The following PAXIP1 variants were observed in gnomAD, a reference collection of about 807,000 sequenced individuals.
PAXIP1 encodes the protein PAX-interacting protein 1.
PAXIP1 carries 19 observed loss-of-function variants against 140.6 expected under a neutral mutation model. The observed-to-expected ratio is 0.14, with a 90% CI of 0.09 to 0.20. The LOEUF is 0.20. Among genes scored for constraint, PAXIP1 ranks in the 10% least tolerant of loss-of-function variants. The pLI is 1.00. For missense variants in PAXIP1, 920 were observed against 1,208.6 expected, an observed-to-expected ratio of 0.76 and a Z score of 3.54; for synonymous variants, 442 against 444.6, an observed-to-expected ratio of 0.99 and a Z score of 0.07.
At chr7:154,976,425 T>G (rs1056832534) in intron 5 of PAXIP1, 94 bp from the exon 6 acceptor site, 5 of 1,475,034 alleles carry the variant, frequency 3.4e-6, no homozygotes, top group Non-Finnish European at 4.5e-6. Flanking sequence ...AGTCAAGGAA[T>G]GCAGTTGAAA....
rs1375580304 is a variant in PAXIP1 at position 154,963,620 on chromosome 7, T to C, written c.1989+51A>G. On this transcript the variant is annotated intron_variant, in intron 9 of 20. Transcript: ENST00000404141. The surrounding 1 kb of genome is among the most constrained non-coding windows in gnomAD (Gnocchi z 4.1). ...AATCACTAGCATTTAAGATTGCATA[T>C]TAAAAATGCCAGACCTTGCTCCTGG... 2.4e-6 allele frequency: 3 copies of C among 1,259,070 alleles called. No homozygotes were observed. Among genetic ancestry groups the C allele is most frequent in the African/African-American group, 2.9e-5 (2 of 67,942 alleles). The allele number at this position is 1,259,070 out of a possible 1,614,324, so 78.0% of individuals were successfully genotyped here.
intron 12 of PAXIP1, 138 bp from the exon 13 acceptor site, chr7:154,960,071 C>T: frequency 1.6e-6 from 1 of 608,864 alleles, no homozygotes; most frequent in East Asian, 2.8e-5. Context: ...AATGTAAGTA[C>T]TATAATGAAG....
intron 5 of PAXIP1, among the ~76,000 whole-genome samples, 169 bp from the exon 6 acceptor site, chr7:154,976,500 G>A (rs1274550984): frequency 1.3e-5 from 2 of 152,230 alleles, no homozygotes; most frequent in Non-Finnish European, 2.9e-5. Flanking sequence ...CAGAGGACAT[G>A]AGGCAAAAGT....
intron 2 of PAXIP1, among the ~76,000 whole-genome samples, chr7:154,996,316 C>T (rs1406904788): frequency 6.6e-6 from 1 of 152,198 alleles, no homozygotes; most frequent in Non-Finnish European, 1.5e-5. Flanking sequence ...TCAAAAATTA[C>T]AAGCAGGCTG....
chr7:154,980,441 G>T (rs995420830), intron 5 of PAXIP1, among the ~76,000 whole-genome samples: 1 of 152,042 alleles, frequency 6.6e-6, no homozygotes, highest in African/African-American at 2.4e-5. Flanking sequence ...TTGAAGCAGG[G>T]TCTCACTTTG....
At chr7:154,971,187 T>G (rs1245716803) in intron 6 of PAXIP1, among the ~76,000 whole-genome samples, 1 of 152,164 alleles carries the variant, frequency 6.6e-6, no homozygotes, top group Non-Finnish European at 1.5e-5. Flanking sequence ...GAGGCCTAGG[T>G]AGGACAGGAG....
At chr7:154,993,152 A>G (rs558883462) in intron 3 of PAXIP1, among the ~76,000 whole-genome samples, 1 of 152,302 alleles carries the variant, frequency 6.6e-6, no homozygotes, top group East Asian at 1.9e-4. Context: ...AGAACGCCTC[A>G]TTTCTGACTC....
At chr7:154,960,755 A>G (rs1397598757) in intron 12 of PAXIP1, 138 bp downstream of exon 12, 2 of 634,360 alleles carry the variant, frequency 3.2e-6, no homozygotes, top group African/African-American at 3.7e-5. Context: ...AAGAGTATAG[A>G]AAAGAAATTG....
chr7:154,969,081 CCTG>C lies in PAXIP1; in HGVS notation c.1117_1119del (p.Gln373del), dbSNP rs1256175088. On this transcript the variant is annotated inframe_deletion, in exon 7 of 21. Coordinates refer to ENST00000404141, the MANE Select transcript of PAXIP1 (RefSeq NM_007349.4). Reference sequence around the variant, plus strand: ...GTATGTCCCTGCTGGCTGTGATTCACCTGCTGTTCTAAATTTTTCGTAGGTGCT... The same window carrying C: ...GTATGTCCCTGCTGGCTGTGATTCACCTGTTCTAAATTTTTCGTAGGTGCT... The C allele has an allele frequency of 6.7e-7, 1 of 1,497,392 alleles. No individual in the cohort carries two copies. Among genetic ancestry groups the C allele is most frequent in the African/African-American group, 1.4e-5 (1 of 71,616 alleles). 92.8% of individuals were successfully genotyped at this position (1,497,392 alleles called of 1,614,324 possible). A position where few individuals can be genotyped will look rare whatever the true frequency, so the allele number is the denominator to read the frequency against.
rs776902471 is a variant in PAXIP1 at position 154,967,762 on chromosome 7, A to G, written c.1893+54T>C. The stretch of plus-strand genomic sequence containing the variant: ...GCTAAGTGAACACAGTTACATCTAC[A>G]TAAGAAAGAAGCATCTTCAGACACA... On this transcript the variant is annotated intron_variant, in intron 8 of 20. Coordinates refer to ENST00000404141, the MANE Select transcript of PAXIP1 (RefSeq NM_007349.4). The G allele has an allele frequency of 1.9e-5, 23 of 1,227,476 alleles. No individual in the cohort carries two copies. In the East Asian group the frequency reaches 2.8e-4, roughly 15 times the overall value. The allele number at this position is 1,227,476 out of a possible 1,614,324, so 76.0% of individuals were successfully genotyped here. A position where few individuals can be genotyped will look rare whatever the true frequency, so the allele number is the denominator to read the frequency against.
chr7:154,970,646 G>A (rs888543304), intron 6 of PAXIP1, among the ~76,000 whole-genome samples: 2 of 152,162 alleles, frequency 1.3e-5, no homozygotes, highest in Admixed American at 6.5e-5. Flanking sequence ...CCACCCCATG[G>A]AGCCCAGCAG....
intron 6 of PAXIP1, among the ~76,000 whole-genome samples, chr7:154,971,672 T>TC (rs1394557217): frequency 1.3e-5 from 2 of 152,348 alleles, no homozygotes; most frequent in African/African-American, 4.8e-5. Flanking sequence ...TTTAAATTTT[T>TC]CCATCACAAC....
At chr7:154,995,260 A>T (rs1167783729) in intron 2 of PAXIP1, among the ~76,000 whole-genome samples, 2 of 152,246 alleles carry the variant, frequency 1.3e-5, no homozygotes, top group East Asian at 3.8e-4. Flanking sequence ...GTGTGTTCTC[A>T]GGCAGCTTTA....
chr7:154,974,791 G>C (rs1809490754), intron 6 of PAXIP1, among the ~76,000 whole-genome samples: 1 of 152,072 alleles, frequency 6.6e-6, no homozygotes, highest in African/African-American at 2.4e-5. Context: ...GAAAAATGCA[G>C]AGTGGCCAAT....
intron 5 of PAXIP1, among the ~76,000 whole-genome samples, chr7:154,978,160 C>T (rs997193004): frequency 6.6e-6 from 1 of 152,192 alleles, no homozygotes; most frequent in South Asian, 2.1e-4. Context: ...TTCACCTCAT[C>T]CTCAGGCCCT....
At chr7:154,944,359 C>T in intron 20 of PAXIP1, 195 bp from the exon 21 acceptor site, 3 of 515,114 alleles carry the variant, frequency 5.8e-6, no homozygotes, top group Non-Finnish European at 1.1e-5. Context: ...CACAGGCTCA[C>T]TCAGCCCGGG....
In PAXIP1 at chr7:154,992,648, G is replaced by C. The variant is rs1165753435; in HGVS notation, c.260+1078C>G. Reference sequence around the variant, plus strand: ...AAGGAGTCTTGTACAGAGAATAAATGACCTGGAACAACAAAATCAGCCTCT... The same window carrying C: ...AAGGAGTCTTGTACAGAGAATAAATCACCTGGAACAACAAAATCAGCCTCT... On this transcript the variant is annotated intron_variant, in intron 3 of 20. Transcript: ENST00000404141. Among the ~76,000 whole-genome samples, 3 of 150,948 alleles carry C rather than the reference G, an allele frequency of 2.0e-5. No individual in the cohort carries two copies. The East Asian group carries it at 5.9e-4, about 29-fold the overall frequency.
At chr7:154,987,487 G>A (rs373966721) in intron 4 of PAXIP1, among the ~76,000 whole-genome samples, 3 of 152,008 alleles carry the variant, frequency 2.0e-5, no homozygotes, top group East Asian at 1.9e-4. Flanking sequence ...CTACCAATGC[G>A]TGCTATCCAA....
At chr7:154,979,140 C>T (rs575370372) in intron 5 of PAXIP1, among the ~76,000 whole-genome samples, 19 of 152,274 alleles carry the variant, frequency 1.2e-4, no homozygotes, top group Admixed American at 6.5e-4. Flanking sequence ...AATTTATCAG[C>T]TAAATTATTC....
Sources: allele counts gnomAD v4.1 joint callset (sites outside exome capture counted in the v4.1 genomes callset), GRCh38; gene constraint gnomAD v4.1.1; non-coding constraint Gnocchi (gnomAD v3.1); transcripts MANE v1.5; gene names NCBI Gene and HGNC (gene_info 2026-07-23, HGNC 2026-07-21).